The following PDE1C variants were observed in gnomAD, a reference collection of about 807,000 sequenced individuals.
PDE1C encodes phosphodiesterase 1C.
PDE1C carries 62 observed loss-of-function variants against 93.1 expected under a neutral mutation model. The ratio of observed to expected loss-of-function variants is 0.67; its 90% CI spans 0.54 to 0.82. The LOEUF is 0.82. PDE1C is among the 40% of genes least tolerant of loss of function. The pLI is 0.00. For missense variants in PDE1C, 742 were observed against 884.6 expected (o/e 0.84, Z 2.04); for synonymous variants, 325 against 310.1 (o/e 1.05, Z -0.50).
chr7:31,847,967 C>T lies in PDE1C; in HGVS notation c.980+1G>A. Reference sequence around the variant, plus strand: ...AAATCTCTCTCTTTTCTCATCCTTACCTCCAGTCATCCTTTGAGAGGTTAA... The same window carrying T: ...AAATCTCTCTCTTTTCTCATCCTTATCTCCAGTCATCCTTTGAGAGGTTAA... On this transcript the variant is annotated splice_donor_variant, in intron 9 of 17. Transcript: ENST00000396191. LOFTEE classifies it high-confidence loss of function. The T allele has an allele frequency of 6.2e-7, 1 of 1,612,382 alleles. No individual in the cohort carries two copies. Among genetic ancestry groups the T allele is most frequent in the Non-Finnish European group, 8.5e-7 (1 of 1,179,272 alleles).
At chr7:31,906,810 C>T (rs1422465513) in intron 2 of PDE1C, among the ~76,000 whole-genome samples, 2 of 152,078 alleles carry the variant, frequency 1.3e-5, no homozygotes, top group Non-Finnish European at 2.9e-5. Flanking sequence ...ATTTCCATTT[C>T]TTCTTTGGTA....
intron 2 of PDE1C, among the ~76,000 whole-genome samples, chr7:31,884,324 T>C (rs1797622516): frequency 6.6e-6 from 1 of 152,096 alleles, no homozygotes; most frequent in South Asian, 2.1e-4. Context: ...AAGTGAATTT[T>C]AGGGAGCATC....
At chr7:32,367,977 T>TA (rs1211660582) in intron 1 of PDE1C, among the ~76,000 whole-genome samples, 7 of 150,290 alleles carry the variant, frequency 4.7e-5, no homozygotes, top group Non-Finnish European at 7.4e-5. Context: ...CCCTTCATGA[T>TA]AAAAAATCCC....
At chr7:32,313,758 TG>T (rs1220343009) in intron 1 of PDE1C, among the ~76,000 whole-genome samples, 10 of 22,436 alleles carry the variant, frequency 4.5e-4, no homozygotes, top group Non-Finnish European at 7.5e-4. Context: ...TGTCATGAGG[TG>T]GGGGGGAGGG....
At chr7:32,298,701 T>A in exon 1 of PDE1C, 2 of 1,607,230 alleles carry the variant, frequency 1.2e-6, no homozygotes, top group Non-Finnish European at 1.7e-6. Context: ...CCGGCATTTT[T>A]TGAAGCCCTC....
intron 2 of PDE1C, among the ~76,000 whole-genome samples, chr7:32,183,192 G>T (rs1220098099): frequency 1.3e-5 from 2 of 152,126 alleles, no homozygotes; most frequent in East Asian, 3.9e-4. Flanking sequence ...TCATGGATAG[G>T]AAGAATCAAT....
chr7:32,336,889 A>G (rs1783636621), intron 1 of PDE1C, among the ~76,000 whole-genome samples: 1 of 152,310 alleles, frequency 6.6e-6, no homozygotes, highest in East Asian at 1.9e-4. Flanking sequence ...TTCAACAAGT[A>G]ATATTGAACA....
At chr7:32,280,860 CTA>C (rs1392654205) in intron 1 of PDE1C, among the ~76,000 whole-genome samples, 2 of 152,094 alleles carry the variant, frequency 1.3e-5, no homozygotes, top group Non-Finnish European at 2.9e-5. Context: ...TGGTACACAC[CTA>C]TAGTCCTAGC....
chr7:31,748,025 T>C (rs1794042535), downstream of PDE1C, among the ~76,000 whole-genome samples: 1 of 140,738 alleles, frequency 7.1e-6, no homozygotes, highest in Non-Finnish European at 1.6e-5. Flanking sequence ...TTTTGGTCCC[T>C]GAGCAAGGAA....
At chr7:31,755,067 T>C (rs531258210) in intron 17 of PDE1C, among the ~76,000 whole-genome samples, 1 of 152,290 alleles carries the variant, frequency 6.6e-6, no homozygotes, top group Admixed American at 6.5e-5. Flanking sequence ...GAAGAAGCTG[T>C]ACACAAGCAC....
At chr7:31,696,953 C>T in the PDE1C span, 1 of 1,613,320 alleles carries the variant, frequency 6.2e-7, no homozygotes, top group South Asian at 1.1e-5. Context: ...CTGTGTTCCC[C>T]TAACCATGCA....
At position 31,951,506 on chromosome 7, in the gene PDE1C, G is replaced by A. The variant is rs528903750; in HGVS notation, c.129-70646C>T. 1.5e-4 allele frequency among the ~76,000 whole-genome samples: 23 copies of A among 152,254 alleles called. No individual in the cohort carries two copies. The East Asian group carries it at 3.5e-3, about 23-fold the overall frequency. ...CAGTTCTTGGTAGCTAAGTAGGTCT[G>A]AGCAATCAGGCAAAAGAGAGATGGT... On this transcript the variant is annotated intron_variant, in intron 2 of 17. Transcript: ENST00000396191.
At chr7:31,778,290 C>T (rs1220017481) in intron 16 of PDE1C, among the ~76,000 whole-genome samples, 1 of 152,190 alleles carries the variant, frequency 6.6e-6, no homozygotes, top group Non-Finnish European at 1.5e-5. Flanking sequence ...GAGGCACTAC[C>T]AGAGGGCACA....
chr7:31,732,893 GAA>G, the PDE1C span, among the ~76,000 whole-genome samples: 1 of 152,078 alleles, frequency 6.6e-6, no homozygotes, highest in South Asian at 2.1e-4. Context: ...TTAGGTGAAT[GAA>G]AAAAGTGATT....
At chr7:31,908,296 T>A (rs1800835013) in intron 2 of PDE1C, among the ~76,000 whole-genome samples, 1 of 152,222 alleles carries the variant, frequency 6.6e-6, no homozygotes, top group Non-Finnish European at 1.5e-5. Context: ...TGCTTCTTGA[T>A]AGAATCACAG....
chr7:32,166,432 TGAG>T (rs1176117290), intron 3 of PDE1C, among the ~76,000 whole-genome samples: 1 of 152,108 alleles, frequency 6.6e-6, no homozygotes, highest in East Asian at 1.9e-4. Context: ...TGGGCAGCCA[TGAG>T]GAGACCTCAA....
intron 16 of PDE1C, among the ~76,000 whole-genome samples, chr7:31,798,077 A>G (rs1369416082): frequency 6.6e-6 from 1 of 151,772 alleles, no homozygotes; most frequent in Non-Finnish European, 1.5e-5. Context: ...TGTTCAGTTC[A>G]CCAAGCAACC....
chr7:32,339,265 A>C (rs1783696926), intron 1 of PDE1C, among the ~76,000 whole-genome samples: 1 of 152,220 alleles, frequency 6.6e-6, no homozygotes, highest in Non-Finnish European at 1.5e-5. Context: ...AAAAGTCATA[A>C]TAGGACAAAT....
At chr7:31,696,979 C>T in the PDE1C span, 16 of 1,613,964 alleles carry the variant, frequency 9.9e-6, no homozygotes, top group Middle Eastern at 1.6e-4. Context: ...GTTTTCAGAA[C>T]ATTTAATTAA....
Sources: allele counts gnomAD v4.1 joint callset (sites outside exome capture counted in the v4.1 genomes callset), GRCh38; gene constraint gnomAD v4.1.1; transcripts MANE v1.5; gene names NCBI Gene and HGNC (gene_info 2026-07-23, HGNC 2026-07-21).